Variants in GPR183 observed in about 807,000 individuals in gnomAD.
The protein encoded by GPR183 is G protein-coupled receptor 183.
Under a neutral mutation model 19.7 loss-of-function variants are expected in GPR183, and 9 were observed. The observed-to-expected ratio is 0.46, with a 90% confidence interval of 0.28 to 0.80. The LOEUF (loss-of-function observed/expected upper bound fraction) is 0.80, where lower values mean the gene tolerates loss of function less well. Ranked by LOEUF, GPR183 falls within the 30% of genes least tolerant of loss-of-function variation. GPR183 has a pLI of 0.13. For synonymous variants in GPR183, 160 were observed against 155.1 expected (o/e 1.03, Z -0.24); for missense variants, 368 against 446.7 (o/e 0.82, Z 1.59).
Position 99,295,107 on chromosome 13 carries a change from T to A in GPR183, c.1039A>T (p.Thr347Ser). Residue 347 changes from threonine to serine, a missense_variant, in exon 2 of 2, where the codon ACA (threonine) becomes TCA (serine). Coordinates refer to ENST00000376414, the MANE Select transcript of GPR183 (RefSeq NM_004951.5). The surrounding 1 kb of genome is among the most constrained non-coding windows in gnomAD (Gnocchi z 4.1). ...SAPEENSREM[T>S]ETQMMIHSKS... ...GAATGTATCATCATCTGCGTTTCTG[T>A]CATTTCACGTGAATTTTCTTCAGGG... The A allele has an allele frequency of 1.2e-6, 2 of 1,614,110 alleles. No homozygotes were observed. Among genetic ancestry groups the A allele is most frequent in the Non-Finnish European group, 1.7e-6 (2 of 1,179,984 alleles).
intron 1 of GPR183, among the ~76,000 whole-genome samples, chr13:99,306,511 G>A (rs753673096): frequency 2.6e-4 from 40 of 151,320 alleles, no homozygotes; most frequent in Admixed American, 5.3e-4. Context: ...AAAATACCAC[G>A]CCCCCCTCCC....
chr13:99,304,593 C>T (rs2044304154), intron 1 of GPR183, among the ~76,000 whole-genome samples: 1 of 152,144 alleles, frequency 6.6e-6, no homozygotes. Flanking sequence ...TTATTACACC[C>T]CAGTAAGCCC....
chr13:99,298,764 ATTTAG>A (rs2044214298), intron 1 of GPR183, among the ~76,000 whole-genome samples: 1 of 152,198 alleles, frequency 6.6e-6, no homozygotes, highest in South Asian at 2.1e-4. Context: ...AGATTTTTCC[ATTTAG>A]TTGGGAAAGG....
intron 1 of GPR183, among the ~76,000 whole-genome samples, chr13:99,296,477 A>C (rs2044175610): frequency 6.6e-6 from 1 of 152,240 alleles, no homozygotes; most frequent in African/African-American, 2.4e-5. Flanking sequence ...AAGGGAATGC[A>C]CTAAATTTTT....
chr13:99,300,969 A>ATGTT (rs1422525083), intron 1 of GPR183, among the ~76,000 whole-genome samples: 2 of 152,226 alleles, frequency 1.3e-5, no homozygotes, highest in African/African-American at 2.4e-5. Flanking sequence ...AGCTTCTGAC[A>ATGTT]TGTTATTTAA....
intron 1 of GPR183, among the ~76,000 whole-genome samples, chr13:99,301,090 C>CTTTTTTCTGATATAAT (rs2044250816): frequency 2.0e-5 from 3 of 152,146 alleles, no homozygotes. Context: ...CTTTAGAACA[C>CTTTTTTCTGATATAAT]TAATATCAGA....
Position 99,295,877 on chromosome 13 carries a change from T to G in GPR183, c.269A>C (p.Tyr90Ser). The change falls in exon 2 of 2, where the codon TAC (tyrosine) becomes TCC (serine). Residue 90 changes from tyrosine (Y) to serine (S), a missense_variant. Physicochemically the swap from Tyr to Ser is moderately radical, Grantham distance 144. Coordinates refer to ENST00000376414, the MANE Select transcript of GPR183 (RefSeq NM_004951.5). This position sits in a 1 kb window ranked among gnomAD's most constrained non-coding sequence, Gnocchi z 4.1. ...TCTCCAGTCAAAGCCCATTGCATAG[T>G]AGGCTATTCGTGTAGGCAAAGCGGT... ...FTTALPTRIA[Y>S]YAMGFDWRIG... 1.9e-6 allele frequency: 3 copies of G among 1,610,278 alleles called. No homozygotes were observed. The highest frequency in any genetic ancestry group is 2.5e-6 in the Non-Finnish European group (3 of 1,177,732).
chr13:99,301,576 T>C (rs1198208789), intron 1 of GPR183, among the ~76,000 whole-genome samples: 3 of 152,182 alleles, frequency 2.0e-5, no homozygotes, highest in Non-Finnish European at 2.9e-5. Flanking sequence ...TCTTGAGATA[T>C]TATCATCTCA....
At chr13:99,300,080 C>T (rs2044236290) in intron 1 of GPR183, among the ~76,000 whole-genome samples, 1 of 152,238 alleles carries the variant, frequency 6.6e-6, no homozygotes, top group Non-Finnish European at 1.5e-5. Context: ...ACATGCGCAA[C>T]ATTGCCCAGC....
intron 1 of GPR183, among the ~76,000 whole-genome samples, chr13:99,300,553 A>G (rs1226407099): frequency 1.3e-5 from 2 of 152,206 alleles, no homozygotes; most frequent in East Asian, 3.8e-4. Context: ...TCCCTTAGAG[A>G]TATTACTTTA....
chr13:99,295,545 A>C lies in GPR183; in HGVS notation c.601T>G (p.Cys201Gly). The change falls in exon 2 of 2, where the codon TGT becomes GGT. Residue 201 changes from cysteine to glycine, a missense_variant. Coordinates refer to ENST00000376414, the MANE Select transcript of GPR183 (RefSeq NM_004951.5). This position sits in a 1 kb window ranked among gnomAD's most constrained non-coding sequence, Gnocchi z 4.1. ...AGTGGAAGTACATATCCTATGAAAC[A>C]TGCCCCAAGCAGAATCCAGGGAAGA... Reference protein sequence around the residue: ...KSLPWILLGACFIGYVLPLII... With the variant: ...KSLPWILLGAGFIGYVLPLII... The C allele has an allele frequency of 6.2e-7, 1 of 1,614,004 alleles. No homozygotes were observed. The highest frequency in any genetic ancestry group is 8.5e-7 in the Non-Finnish European group (1 of 1,180,010).
intron 1 of GPR183, among the ~76,000 whole-genome samples, chr13:99,298,030 C>G (rs1344362342): frequency 6.6e-6 from 1 of 152,082 alleles, no homozygotes; most frequent in African/African-American, 2.4e-5. Flanking sequence ...GAACAGTCTA[C>G]AAAGAATATA....
At chr13:99,297,324 G>T (rs2044191266) in intron 1 of GPR183, among the ~76,000 whole-genome samples, 1 of 152,012 alleles carries the variant, frequency 6.6e-6, no homozygotes, top group African/African-American at 2.4e-5. Flanking sequence ...ATCTCACCTG[G>T]AAGTCACCAA....
chr13:99,302,462 A>G (rs1344539390), intron 1 of GPR183, among the ~76,000 whole-genome samples: 1 of 152,210 alleles, frequency 6.6e-6, no homozygotes, highest in Non-Finnish European at 1.5e-5. Flanking sequence ...GAAGAAAGAA[A>G]TCATTCATTA....
At chr13:99,305,209 C>T (rs561962293) in intron 1 of GPR183, among the ~76,000 whole-genome samples, 1 of 152,248 alleles carries the variant, frequency 6.6e-6, no homozygotes, top group Admixed American at 6.5e-5. Flanking sequence ...AGAGATTTAA[C>T]AAAATATTTT....
chr13:99,304,840 C>A (rs1198401701), intron 1 of GPR183, among the ~76,000 whole-genome samples: 7 of 152,174 alleles, frequency 4.6e-5, no homozygotes, highest in Admixed American at 3.9e-4. Flanking sequence ...TACATTTTAT[C>A]TCCTATTTCC....
chr13:99,296,259 C>G, intron 1 of GPR183, 96 bp from the exon 2 acceptor site: 5 of 977,908 alleles, frequency 5.1e-6, no homozygotes, highest in Admixed American at 3.1e-5. Context: ...TGTATCAAAG[C>G]AATCCAAACT....
At chr13:99,301,748 C>G (rs2138732920) in intron 1 of GPR183, among the ~76,000 whole-genome samples, 1 of 152,300 alleles carries the variant, frequency 6.6e-6, no homozygotes, top group Middle Eastern at 3.4e-3. Flanking sequence ...GGACATGTAC[C>G]TTCCATGGTC....
Position 99,295,369 on chromosome 13 carries a change from A to G in GPR183, c.777T>C (p.Pro259=), listed in dbSNP as rs2044154072. Residue 259 remains proline (P), a synonymous_variant, in exon 2 of 2, where the codon CCT becomes CCC. Coordinates refer to ENST00000376414, the MANE Select transcript of GPR183 (RefSeq NM_004951.5). The surrounding 1 kb of genome is among the most constrained non-coding windows in gnomAD (Gnocchi z 4.1). The part of the protein sequence containing the change: ...IIVVFVLCFT[P]YHVAIIQHMI... The stretch of plus-strand genomic sequence containing the variant: ...TATGTTGAATAATTGCAACATGGTA[A>G]GGTGTGAAACAGAGAACAAACACAA... The G allele has an allele frequency of 1.9e-6, 3 of 1,614,066 alleles. No individual in the cohort carries two copies. Among genetic ancestry groups the G allele is most frequent in the Non-Finnish European group, 2.5e-6 (3 of 1,179,942 alleles).
Sources: allele counts gnomAD v4.1 joint callset (sites outside exome capture counted in the v4.1 genomes callset), GRCh38; gene constraint gnomAD v4.1.1; non-coding constraint Gnocchi (gnomAD v3.1); transcripts MANE v1.5; gene names NCBI Gene and HGNC (gene_info 2026-07-23, HGNC 2026-07-21).